The following SPATA17 variants were observed in gnomAD, a reference collection of about 807,000 sequenced individuals.
The protein encoded by SPATA17 is spermatogenesis-associated protein 17.
Under a neutral mutation model 62.2 loss-of-function variants are expected in SPATA17, and 53 were observed. The ratio of observed to expected loss-of-function variants is 0.85; its 90% CI spans 0.68 to 1.07. The LOEUF (loss-of-function observed/expected upper bound fraction) is 1.07, where lower values mean the gene tolerates loss of function less well. Among genes scored for constraint, SPATA17 ranks in the 50% least tolerant of loss-of-function variants. The pLI is 0.00. For synonymous variants in SPATA17, 146 were observed against 146.8 expected (o/e 0.99, Z 0.04); for missense variants, 466 against 425.5 (o/e 1.10, Z -0.84).
At chr1:217,757,148 A>G (rs1024419049) in intron 6 of SPATA17, among the ~76,000 whole-genome samples, 5 of 152,226 alleles carry the variant, frequency 3.3e-5, no homozygotes, top group African/African-American at 1.2e-4. Context: ...TGGAATAATC[A>G]GGGTGGAAAC....
chr1:217,836,397 A>T (rs555399086), intron 9 of SPATA17, among the ~76,000 whole-genome samples: 1 of 152,276 alleles, frequency 6.6e-6, no homozygotes, highest in South Asian at 2.1e-4. Context: ...GAGCTCACAA[A>T]ATAAGAATTT....
intron 4 of SPATA17, among the ~76,000 whole-genome samples, chr1:217,675,172 T>C (rs1670919893): frequency 6.6e-6 from 1 of 152,132 alleles, no homozygotes; most frequent in South Asian, 2.1e-4. Context: ...AGAAGGAGGA[T>C]GGAAAGTAGA....
intron 6 of SPATA17, among the ~76,000 whole-genome samples, chr1:217,764,590 A>G (rs983025528): frequency 2.0e-5 from 3 of 152,136 alleles, no homozygotes; most frequent in Non-Finnish European, 4.4e-5. Flanking sequence ...ATATATAAGA[A>G]CACAATTGCT....
intron 6 of SPATA17, among the ~76,000 whole-genome samples, chr1:217,748,604 A>T (rs1672822835): frequency 6.6e-6 from 1 of 150,862 alleles, no homozygotes; most frequent in South Asian, 2.1e-4. Context: ...AATTAGTTGG[A>T]TGTGGTGGCG....
rs375047314 is a variant in SPATA17, at chr1:217,870,463, G to A, written c.*3444G>A. 7.9e-5 allele frequency: 12 copies of A among 152,238 alleles called. No individual in the cohort carries two copies. The East Asian group carries it at 1.5e-3, about 20-fold the overall frequency. 9.4% of individuals were successfully genotyped at this position (152,238 alleles called of 1,614,324 possible). A position where few individuals can be genotyped will look rare whatever the true frequency, so the allele number is the denominator to read the frequency against. Reference sequence around the variant, plus strand: ...CTTTGCATTAAGGTGAGAGAAGACCGAGATGAAATCTTATTAGAAAATATA... The same window carrying A: ...CTTTGCATTAAGGTGAGAGAAGACCAAGATGAAATCTTATTAGAAAATATA... On this transcript the variant is annotated 3_prime_UTR_variant, in exon 11 of 11. Transcript: ENST00000366933.
intron 1 of SPATA17, among the ~76,000 whole-genome samples, chr1:217,636,702 G>A (rs1669950627): frequency 6.6e-6 from 1 of 152,200 alleles, no homozygotes; most frequent in South Asian, 2.1e-4. Flanking sequence ...GGGATTACAG[G>A]CGTGAGCCAC....
At chr1:217,640,116 C>T (rs1250402530) in intron 1 of SPATA17, among the ~76,000 whole-genome samples, 2 of 148,590 alleles carry the variant, frequency 1.3e-5, no homozygotes, top group African/African-American at 2.5e-5. Flanking sequence ...TATATTTTTC[C>T]TTCAGTCTAT....
At chr1:217,848,235 C>T (rs1318048276) in intron 9 of SPATA17, among the ~76,000 whole-genome samples, 1 of 152,158 alleles carries the variant, frequency 6.6e-6, no homozygotes, top group East Asian at 1.9e-4. Flanking sequence ...CTCACTCTTT[C>T]CCTACATGTC....
At chr1:217,837,101 A>T (rs1343708357) in intron 9 of SPATA17, among the ~76,000 whole-genome samples, 1 of 152,034 alleles carries the variant, frequency 6.6e-6, no homozygotes, top group Non-Finnish European at 1.5e-5. Context: ...GGCTTGGCCT[A>T]CTCAAATGTG....
chr1:217,646,205 C>T (rs1337041072), intron 1 of SPATA17, among the ~76,000 whole-genome samples: 1 of 152,120 alleles, frequency 6.6e-6, no homozygotes, highest in Non-Finnish European at 1.5e-5. Flanking sequence ...TTATCATTCT[C>T]ATTATAATTC....
chr1:217,674,644 A>G (rs1251044106), intron 4 of SPATA17, among the ~76,000 whole-genome samples: 1 of 152,218 alleles, frequency 6.6e-6, no homozygotes, highest in African/African-American at 2.4e-5. Context: ...CACAGCCCCG[A>G]AGCCCCAGAA....
intron 9 of SPATA17, among the ~76,000 whole-genome samples, chr1:217,861,943 A>G (rs1428978683): frequency 6.6e-6 from 1 of 152,150 alleles, no homozygotes; most frequent in Non-Finnish European, 1.5e-5. Flanking sequence ...CGTGATCTCT[A>G]GTGACAGAGA....
intron 9 of SPATA17, chr1:217,850,615 T>G: frequency 6.3e-7 from 1 of 1,594,416 alleles, no homozygotes; most frequent in Non-Finnish European, 8.6e-7. Context: ...CCAGTCAGGG[T>G]CTTCACGAAG....
chr1:217,859,547 A>G (rs940014858), intron 9 of SPATA17, among the ~76,000 whole-genome samples: 1 of 152,112 alleles, frequency 6.6e-6, no homozygotes, highest in South Asian at 2.1e-4. Flanking sequence ...AGCTGGGACT[A>G]CAGGTGTACA....
intron 6 of SPATA17, among the ~76,000 whole-genome samples, chr1:217,769,257 C>T (rs963051792): frequency 1.3e-5 from 2 of 151,982 alleles, no homozygotes; most frequent in African/African-American, 4.8e-5. Context: ...TGAGGAAAAA[C>T]GAATGTGTTC....
intron 6 of SPATA17, among the ~76,000 whole-genome samples, chr1:217,752,376 T>C (rs546694798): frequency 6.6e-6 from 1 of 152,186 alleles, no homozygotes; most frequent in Non-Finnish European, 1.5e-5. Context: ...ATTTCAAATT[T>C]TAATGGCCTG....
chr1:217,659,745 T>G (rs1278780415), intron 3 of SPATA17, among the ~76,000 whole-genome samples: 1 of 152,158 alleles, frequency 6.6e-6, no homozygotes, highest in Non-Finnish European at 1.5e-5. Context: ...GTACTGCAAT[T>G]CAACCAGAAA....
At chr1:217,801,588 G>C (rs1674313342) in intron 8 of SPATA17, 130 bp from the exon 9 acceptor site, 7 of 638,906 alleles carry the variant, frequency 1.1e-5, no homozygotes, top group Admixed American at 7.4e-5. Flanking sequence ...GGTTGAAATG[G>C]AATCTAGGTA....
intron 5 of SPATA17, among the ~76,000 whole-genome samples, chr1:217,717,653 T>TG (rs1391053047): frequency 2.0e-5 from 3 of 152,148 alleles, no homozygotes; most frequent in Non-Finnish European, 4.4e-5. Context: ...TGTAATTTTT[T>TG]TTTTTACAAA....
Sources: gnomAD v4.1 joint callset for allele counts (sites outside exome capture counted in the v4.1 genomes callset) on GRCh38, gnomAD v4.1.1 for gene constraint, MANE v1.5 for transcripts, NCBI Gene and HGNC (gene_info 2026-07-23, HGNC 2026-07-21) for gene names.